DOCK3: variants seen among roughly 807,000 people sequenced by gnomAD.
DOCK3 encodes the protein dedicator of cytokinesis 3.
DOCK3 carries 60 observed loss-of-function variants against 265.6 expected under a neutral mutation model. The observed-to-expected ratio is 0.23, with a 90% CI of 0.18 to 0.28. The LOEUF (loss-of-function observed/expected upper bound fraction) is 0.28. DOCK3 is among the 10% of genes least tolerant of loss of function. DOCK3 has a pLI of 1.00. For synonymous variants in DOCK3, 881 were observed against 938.0 expected, an observed-to-expected ratio of 0.94 and a Z score of 1.11; for missense variants, 1,981 against 2,594.3, an observed-to-expected ratio of 0.76 and a Z score of 5.14.
chr3:51,215,710 C>T (rs1331616850), intron 14 of DOCK3, among the ~76,000 whole-genome samples: 1 of 152,196 alleles, frequency 6.6e-6, no homozygotes, highest in Non-Finnish European at 1.5e-5. Flanking sequence ...CATTCTCTCT[C>T]CATAGACACT....
chr3:51,289,678 C>G (rs1244973629), intron 27 of DOCK3, among the ~76,000 whole-genome samples: 2 of 151,818 alleles, frequency 1.3e-5, no homozygotes, highest in African/African-American at 4.8e-5. Context: ...AGTAGCCTCA[C>G]TTCACCTTAA....
chr3:51,110,086 A>G (rs189668246), intron 9 of DOCK3, among the ~76,000 whole-genome samples: 1 of 152,294 alleles, frequency 6.6e-6, no homozygotes. Flanking sequence ...TCCTGGGTAC[A>G]TACACCCTCC....
intron 21 of DOCK3, among the ~76,000 whole-genome samples, chr3:51,241,793 A>G (rs961389670): frequency 2.0e-5 from 3 of 152,212 alleles, no homozygotes; most frequent in South Asian, 2.1e-4. Context: ...ATTCTTTTCT[A>G]TACTAACTAT....
intron 3 of DOCK3, among the ~76,000 whole-genome samples, chr3:50,881,670 C>T (rs563493222): frequency 1.2e-4 from 18 of 152,126 alleles, no homozygotes; most frequent in African/African-American, 2.9e-4. Flanking sequence ...GAATCAATAT[C>T]GTGAAAATGG....
chr3:51,176,594 C>G (rs1318054734), intron 12 of DOCK3, among the ~76,000 whole-genome samples: 9 of 152,136 alleles, frequency 5.9e-5, no homozygotes, highest in Admixed American at 5.2e-4. Flanking sequence ...CCACTGCACT[C>G]CAGCCTGGGC....
chr3:50,779,992 G>A (rs183833467), intron 2 of DOCK3, among the ~76,000 whole-genome samples: 8 of 152,258 alleles, frequency 5.3e-5, no homozygotes, highest in Admixed American at 4.6e-4. Context: ...TATGGGAGTG[G>A]AGCTCTAATC....
At chr3:50,757,567 T>G (rs914011889) in intron 1 of DOCK3, among the ~76,000 whole-genome samples, 2 of 152,094 alleles carry the variant, frequency 1.3e-5, no homozygotes, top group Non-Finnish European at 2.9e-5. Flanking sequence ...TTTTCTCCAT[T>G]TTGTAGGTTG....
intron 9 of DOCK3, among the ~76,000 whole-genome samples, chr3:51,111,017 G>A (rs1232450654): frequency 6.6e-6 from 1 of 152,176 alleles, no homozygotes; most frequent in Non-Finnish European, 1.5e-5. Flanking sequence ...AAAATCACTA[G>A]TATTCCTATA....
chr3:50,715,036 T>G (rs2037013203), intron 1 of DOCK3, among the ~76,000 whole-genome samples: 2 of 152,268 alleles, frequency 1.3e-5, no homozygotes, highest in South Asian at 4.1e-4. Context: ...TAAGGATTAC[T>G]TGTTTTTCTT....
chr3:51,012,909 A>G (rs1259379903), intron 5 of DOCK3, among the ~76,000 whole-genome samples: 2 of 152,052 alleles, frequency 1.3e-5, no homozygotes, highest in East Asian at 3.9e-4. Flanking sequence ...ATCTTCAATC[A>G]CTGATACCCT....
At chr3:51,379,988 G>T (rs1470689650) in intron 51 of DOCK3, 137 bp from the exon 52 acceptor site, 6 of 677,260 alleles carry the variant, frequency 8.9e-6, no homozygotes, top group Non-Finnish European at 1.2e-5. Context: ...GTAAAGAGAG[G>T]TTTATCCATA....
intron 1 of DOCK3, among the ~76,000 whole-genome samples, chr3:50,681,045 T>C (rs2107665928): frequency 6.6e-6 from 1 of 152,306 alleles, no homozygotes; most frequent in Admixed American, 6.5e-5. Flanking sequence ...CCTAGACCAA[T>C]GTCCTGAAGC....
chr3:51,081,758 T>C (rs2082248207), intron 7 of DOCK3, among the ~76,000 whole-genome samples: 1 of 151,902 alleles, frequency 6.6e-6, no homozygotes, highest in African/African-American at 2.4e-5. Flanking sequence ...TAGCTGGGCG[T>C]GGTGGCGGGC....
chr3:50,867,565 A>G (rs2107551470), intron 3 of DOCK3, among the ~76,000 whole-genome samples: 1 of 146,744 alleles, frequency 6.8e-6, no homozygotes, highest in Middle Eastern at 3.6e-3. Flanking sequence ...GGTCTGTTGT[A>G]TATGGCCTTT....
chr3:51,103,808 A>G (rs2083173476), intron 9 of DOCK3, among the ~76,000 whole-genome samples: 1 of 152,202 alleles, frequency 6.6e-6, no homozygotes, highest in South Asian at 2.1e-4. Flanking sequence ...CAAGGAGAAA[A>G]AAAACTGGGA....
intron 5 of DOCK3, among the ~76,000 whole-genome samples, chr3:51,034,595 A>G (rs537917526): frequency 6.6e-6 from 1 of 152,182 alleles, no homozygotes; most frequent in South Asian, 2.1e-4. Flanking sequence ...ATTCCTTAAG[A>G]CAGTGTTATG....
chr3:50,982,613 G>C (rs2077734417), intron 5 of DOCK3, among the ~76,000 whole-genome samples: 1 of 152,236 alleles, frequency 6.6e-6, no homozygotes, highest in Non-Finnish European at 1.5e-5. Flanking sequence ...CTGCTGCAGA[G>C]AGGGTACAGG....
chr3:50,773,320 A>C (rs1166599606), intron 1 of DOCK3, among the ~76,000 whole-genome samples: 1 of 152,170 alleles, frequency 6.6e-6, no homozygotes, highest in Non-Finnish European at 1.5e-5. Flanking sequence ...TAAGACCTGA[A>C]ACTATAAAAC....
At chr3:50,849,764 A>G (rs2046271797) in intron 3 of DOCK3, among the ~76,000 whole-genome samples, 1 of 152,212 alleles carries the variant, frequency 6.6e-6, no homozygotes, top group Non-Finnish European at 1.5e-5. Context: ...TTGCAGAAAA[A>G]CAAATTCCAG....
Sources: allele counts gnomAD v4.1 joint callset (sites outside exome capture counted in the v4.1 genomes callset), GRCh38; gene constraint gnomAD v4.1.1; transcripts MANE v1.5; gene names NCBI Gene and HGNC (gene_info 2026-07-23, HGNC 2026-07-21).